Variants in UVSSA observed in about 807,000 individuals in gnomAD.
The protein encoded by UVSSA is UV stimulated scaffold protein A, also known as UV-stimulated scaffold protein A.
Under a neutral mutation model 73.9 loss-of-function variants are expected in UVSSA, and 72 were observed. The observed-to-expected ratio is 0.97, with a 90% confidence interval of 0.81 to 1.19. UVSSA has a LOEUF of 1.19. Among genes scored for constraint, UVSSA ranks in the 50% most tolerant of loss-of-function variants. UVSSA has a pLI of 0.00. For synonymous variants in UVSSA, 454 were observed against 391.3 expected (o/e 1.16, Z -1.89); for missense variants, 1,150 against 965.0 (o/e 1.19, Z -2.54).
chr4:1,369,676 A>G (rs1717780376), intron 8 of UVSSA, among the ~76,000 whole-genome samples: 1 of 152,238 alleles, frequency 6.6e-6, no homozygotes, highest in South Asian at 2.1e-4. Context: ...CAATAATGTC[A>G]GCGCTGGGCA....
In UVSSA at chr4:1,351,695, C is replaced by G; in HGVS notation, c.430-20C>G. ...TGAGCCACCGCGCCTGTCCCCTAGT[C>G]TTTATTTTCAATTGCTCAGGTGGAT... On this transcript the variant is annotated intron_variant, in intron 3 of 13. Coordinates refer to ENST00000389851, the MANE Select transcript of UVSSA (RefSeq NM_020894.4). The G allele has an allele frequency of 6.2e-7, 1 of 1,611,532 alleles. No individual in the cohort carries two copies. Among genetic ancestry groups the G allele is most frequent in the Non-Finnish European group, 8.5e-7 (1 of 1,178,442 alleles).
chr4:1,383,889 A>G lies in UVSSA; in HGVS notation c.1985A>G (p.Lys662Arg), dbSNP rs1719796497. The G allele has an allele frequency of 1.2e-6, 2 of 1,613,402 alleles. No homozygotes were observed. Among genetic ancestry groups the G allele is most frequent in the Non-Finnish European group, 8.5e-7 (1 of 1,179,990 alleles). ...AGGTACCCCAGCCTCACCAACCTGA[A>G]GGCTCAGGCTGATACCGCCCGCGCT... is the stretch of plus-strand genomic sequence containing the variant. ...KRRYPSLTNL[K>R]AQADTARARI... Residue 662 changes from lysine to arginine, a missense_variant, in exon 13 of 14, where the codon AAG becomes AGG. By Grantham distance (26) the Lys-to-Arg change is conservative (BLOSUM62 2). Coordinates refer to ENST00000389851, the MANE Select transcript of UVSSA (RefSeq NM_020894.4).
At position 1,375,363 on chromosome 4, in the gene UVSSA, G is replaced by T. The variant is rs747240640; in HGVS notation, c.1289-1G>T. The T allele has an allele frequency of 1.2e-6, 2 of 1,613,316 alleles. No individual in the cohort carries two copies. The highest frequency in any genetic ancestry group is 1.7e-6 in the Non-Finnish European group (2 of 1,179,840). Reference sequence around the variant, plus strand: ...AGGGAGTGGACACGTGTCTGTTTCAGGGCTGGAGGCAGCACCAGAGAAAGA... The same window carrying T: ...AGGGAGTGGACACGTGTCTGTTTCATGGCTGGAGGCAGCACCAGAGAAAGA... On this transcript the variant is annotated splice_acceptor_variant, in intron 8 of 13. Transcript: ENST00000389851. LOFTEE classifies it high-confidence loss of function.
intron 1 of UVSSA, 34 bp from the exon 2 acceptor site, chr4:1,348,056 G>T: frequency 6.6e-7 from 1 of 1,504,768 alleles, no homozygotes. Context: ...AAATACAGAT[G>T]GTGATATAGC....
At chr4:1,380,658 A>G in intron 11 of UVSSA, 1 of 1,531,398 alleles carries the variant, frequency 6.5e-7, no homozygotes, top group Non-Finnish European at 8.8e-7. Context: ...ACAGCTGCCC[A>G]AGACCTTCCG....
At chr4:1,349,892 C>A in intron 3 of UVSSA, 38 bp downstream of exon 3, 1 of 1,480,582 alleles carries the variant, frequency 6.8e-7, no homozygotes, top group Non-Finnish European at 9.0e-7. Context: ...AGACTGGTTA[C>A]CTGACGTGAG....
Position 1,372,296 on chromosome 4 carries a change from C to T in UVSSA, c.1289-3068C>T, listed in dbSNP as rs367824610. 2.6e-5 allele frequency among the ~76,000 whole-genome samples: 4 copies of T among 152,302 alleles called. No individual in the cohort carries two copies. In the South Asian group the frequency reaches 6.2e-4, roughly 24 times the overall value. ...GAATCTGTTTAGTTAACGGTTGTTA[C>T]GAAGTCTTCAAAAGACACATCTGGC... On this transcript the variant is annotated intron_variant, in intron 8 of 13. Transcript: ENST00000389851.
In UVSSA at chr4:1,385,950, G is replaced by T. The variant is rs560409062; in HGVS notation, c.2119G>T (p.Ala707Ser). Residue 707 changes from alanine (A) to serine (S), a missense_variant, in exon 14 of 14, where the codon GCA becomes TCA. Ala to Ser is a moderately conservative substitution (Grantham distance 99). Coordinates refer to ENST00000389851, the MANE Select transcript of UVSSA (RefSeq NM_020894.4). ...GAAGTTTTCAAACCAGTTTAACTAC[G>T]CACTGAACTAGAGAGCGGGGCCCAG... Reference protein sequence around the residue: ...HEKFSNQFNYALN With the variant: ...HEKFSNQFNYSLN The T allele has an allele frequency of 6.2e-7, 1 of 1,613,886 alleles. No homozygotes were observed. Among genetic ancestry groups the T allele is most frequent in the Admixed American group, 1.7e-5 (1 of 60,012 alleles).
intron 12 of UVSSA, among the ~76,000 whole-genome samples, chr4:1,382,659 A>G (rs1719642510): frequency 1.3e-5 from 2 of 152,086 alleles, no homozygotes; most frequent in South Asian, 4.1e-4. Flanking sequence ...TGGGAGATAA[A>G]CTGTTTGGAC....
intron 7 of UVSSA, among the ~76,000 whole-genome samples, chr4:1,361,593 C>T (rs576092599): frequency 6.6e-6 from 1 of 152,258 alleles, no homozygotes; most frequent in Non-Finnish European, 1.5e-5. Flanking sequence ...GTCAGCCCTG[C>T]ACCGCTCCGC....
Position 1,351,759 on chromosome 4 carries a change from G to T in UVSSA, c.474G>T (p.Lys158Asn), listed in dbSNP as rs986154883. The change falls in exon 4 of 14, where the codon AAG (lysine) becomes AAT (asparagine). Residue 158 changes from lysine (K) to asparagine (N), a missense_variant. Coordinates refer to ENST00000389851, the MANE Select transcript of UVSSA (RefSeq NM_020894.4). ...DTNARSLAERKREEEKQKHLD... is the reference protein window; with the variant it reads ...DTNARSLAERNREEEKQKHLD... ...ATGCTCGGAGTCTGGCAGAAAGGAA[G>T]AGAGAAGAGGAGAAGCAGAAGCACT... is the stretch of plus-strand genomic sequence containing the variant. 1.3e-5 allele frequency: 21 copies of T among 1,613,710 alleles called. No individual in the cohort carries two copies. Among genetic ancestry groups the T allele is most frequent in the Non-Finnish European group, 1.8e-5 (21 of 1,179,870 alleles).
intron 5 of UVSSA, among the ~76,000 whole-genome samples, chr4:1,353,760 A>C (rs1409932674): frequency 1.3e-5 from 2 of 152,094 alleles, no homozygotes; most frequent in African/African-American, 4.8e-5. Context: ...CCTCCAAGTG[A>C]CTGGATCCCT....
chr4:1,380,778 C>T lies in UVSSA; in HGVS notation c.1753-102C>T, dbSNP rs745691183. 15 of 1,583,428 alleles carry T rather than the reference C, an allele frequency of 9.5e-6. No homozygotes were observed. In the East Asian group the frequency reaches 3.0e-4, roughly 31 times the overall value. On this transcript the variant is annotated intron_variant, in intron 11 of 13. Transcript: ENST00000389851. ...GTACACTTTGGCTCTGTGATACCACCCACCCTGGTCGCTGTTTGTGCCCAA... is the reference window on the plus strand; with the variant it reads ...GTACACTTTGGCTCTGTGATACCACTCACCCTGGTCGCTGTTTGTGCCCAA...
In UVSSA at chr4:1,366,309, T is replaced by C. The variant is rs369112509; in HGVS notation, c.1177-11T>C. ...CTGGGGGTTGATTTGTATTGGGGTGTTTTTCCACAGACAGAAGCCCTGGGG... is the reference window on the plus strand; with the variant it reads ...CTGGGGGTTGATTTGTATTGGGGTGCTTTTCCACAGACAGAAGCCCTGGGG... On this transcript the variant is annotated splice_polypyrimidine_tract_variant and intron_variant, in intron 7 of 13. Coordinates refer to ENST00000389851, the MANE Select transcript of UVSSA (RefSeq NM_020894.4). 83 of 1,602,856 alleles carry C rather than the reference T, an allele frequency of 5.2e-5. No homozygotes were observed. Among genetic ancestry groups the C allele is most frequent in the African/African-American group, 8.1e-5 (6 of 74,350 alleles).
chr4:1,364,693 G>T (rs1717082428), intron 7 of UVSSA, among the ~76,000 whole-genome samples: 1 of 152,104 alleles, frequency 6.6e-6, no homozygotes. Context: ...CTGTGCTGTG[G>T]GAACAGGAAT....
At position 1,385,952 on chromosome 4, in the gene UVSSA, A is replaced by G. The variant is rs145552493; in HGVS notation, c.2121A>G (p.Ala707=). The G allele has an allele frequency of 6.2e-6, 10 of 1,614,022 alleles. No individual in the cohort carries two copies. In the Admixed American group the frequency reaches 1.5e-4, roughly 24 times the overall value. The change falls in exon 14 of 14, where the codon GCA becomes GCG. Residue 707 remains alanine, a synonymous_variant. Transcript: ENST00000389851. The part of the protein sequence containing the change: ...HEKFSNQFNY[A]LN Reference sequence around the variant, plus strand: ...AGTTTTCAAACCAGTTTAACTACGCACTGAACTAGAGAGCGGGGCCCAGTG... The same window carrying G: ...AGTTTTCAAACCAGTTTAACTACGCGCTGAACTAGAGAGCGGGGCCCAGTG...
chr4:1,363,200 C>T, intron 7 of UVSSA, among the ~76,000 whole-genome samples: 1 of 152,048 alleles, frequency 6.6e-6, no homozygotes, highest in East Asian at 1.9e-4. Flanking sequence ...CCTGCGGCTG[C>T]CTCAGAGGTG....
In UVSSA at chr4:1,349,766, C is replaced by G. The variant is rs774167921; in HGVS notation, c.341C>G (p.Thr114Ser). ...GCACAGAGGCTGAGGCAGGCGACCA[C>G]CCGGGCCGTGGAAGGGTGGAATGAG... ...EAAQRLRQAT[T>S]RAVEGWNEKF... The change falls in exon 3 of 14, where the codon ACC becomes AGC. Residue 114 changes from threonine (T) to serine (S), a missense_variant. By Grantham distance (58) the Thr-to-Ser change is moderately conservative. Transcript: ENST00000389851. 2.5e-6 allele frequency: 4 copies of G among 1,608,662 alleles called. No homozygotes were observed. The highest frequency in any genetic ancestry group is 3.4e-6 in the Non-Finnish European group (4 of 1,176,660).
chr4:1,376,698 C>T (rs1718811288), intron 10 of UVSSA, among the ~76,000 whole-genome samples: 1 of 152,222 alleles, frequency 6.6e-6, no homozygotes, highest in Admixed American at 6.5e-5. Flanking sequence ...ACACGGGGGT[C>T]ATCTGTGCGA....
Sources: gnomAD v4.1 joint callset for allele counts (sites outside exome capture counted in the v4.1 genomes callset) on GRCh38, gnomAD v4.1.1 for gene constraint, MANE v1.5 for transcripts, NCBI Gene and HGNC (gene_info 2026-07-23, HGNC 2026-07-21) for gene names.